RYR2: variants seen among roughly 807,000 people sequenced by gnomAD.
The protein encoded by RYR2 is ryanodine receptor 2.
A neutral mutation model predicts 601.1 loss-of-function variants in RYR2; 227 were observed. The ratio of observed to expected loss-of-function variants is 0.38; its 90% CI spans 0.34 to 0.42. The LOEUF is 0.42. RYR2 is among the 10% of genes least tolerant of loss of function. The pLI, the probability that RYR2 is intolerant of heterozygous loss-of-function variation, is 1.00. For synonymous variants in RYR2, 2,223 were observed against 2,175.1 expected, an observed-to-expected ratio of 1.02 and a Z score of -0.61; for missense variants, 4,646 against 6,156.5, an observed-to-expected ratio of 0.75 and a Z score of 8.21.
At chr1:237,386,796 A>G (rs10754601) in intron 8 of RYR2, among the ~76,000 whole-genome samples, 68,704 of 151,934 alleles carry the variant, frequency 0.45, 17,342 homozygotes, top group Admixed American at 0.65. Context: ...CTTTTGCATC[A>G]AATTGCAGAT....
chr1:237,339,560 T>C (rs1697564962), intron 3 of RYR2, among the ~76,000 whole-genome samples: 1 of 152,124 alleles, frequency 6.6e-6, no homozygotes, highest in African/African-American at 2.4e-5. Context: ...AAAAATATTA[T>C]TATATAAATG....
chr1:237,240,682 A>AAC (rs1686066580), intron 1 of RYR2, among the ~76,000 whole-genome samples: 1 of 148,756 alleles, frequency 6.7e-6, no homozygotes, highest in East Asian at 1.9e-4. Flanking sequence ...AAAAAAAAAA[A>AAC]AAAAAAACAG....
chr1:237,743,554 C>T, intron 80 of RYR2: 1 of 518,394 alleles, frequency 1.9e-6, no homozygotes, highest in Non-Finnish European at 3.9e-6. Flanking sequence ...GTCTTCAGAG[C>T]AATTGTTTAT....
intron 29 of RYR2, among the ~76,000 whole-genome samples, chr1:237,572,163 G>A (rs1344360697): frequency 6.6e-6 from 1 of 152,098 alleles, no homozygotes; most frequent in Non-Finnish European, 1.5e-5. Flanking sequence ...TTGGTTTTAG[G>A]GATGTCAAAG....
At chr1:237,524,801 C>G (rs997085679) in intron 24 of RYR2, among the ~76,000 whole-genome samples, 1 of 151,720 alleles carries the variant, frequency 6.6e-6, no homozygotes, top group Non-Finnish European at 1.5e-5. Flanking sequence ...GCAAAATTCC[C>G]TTTTGCTCAG....
chr1:237,674,543 A>G (rs926390883), intron 59 of RYR2, among the ~76,000 whole-genome samples, 188 bp from the exon 60 acceptor site: 2 of 152,074 alleles, frequency 1.3e-5, no homozygotes, highest in African/African-American at 2.4e-5. Context: ...ATCATATGCA[A>G]AATATTCTTT....
At chr1:237,601,581 G>A (rs58615439) in intron 34 of RYR2, among the ~76,000 whole-genome samples, 1 of 151,886 alleles carries the variant, frequency 6.6e-6, no homozygotes, top group South Asian at 2.1e-4. Flanking sequence ...CTAGAAGAGA[G>A]GATTTTGTAT....
At chr1:237,593,183 A>G (rs1419745589) in intron 32 of RYR2, among the ~76,000 whole-genome samples, 1 of 152,222 alleles carries the variant, frequency 6.6e-6, no homozygotes, top group African/African-American at 2.4e-5. Flanking sequence ...TAGCACACAC[A>G]TATATGCTGA....
At position 237,231,323 on chromosome 1, in the gene RYR2, TTTC is replaced by T. The variant is rs1369045057; in HGVS notation, c.49-39171_49-39169del. 4.2e-4 allele frequency among the ~76,000 whole-genome samples: 63 copies of T among 149,882 alleles called. No homozygotes were observed. In the East Asian group the frequency reaches 0.011, roughly 25 times the overall value. On this transcript the variant is annotated intron_variant, in intron 1 of 104. Coordinates refer to ENST00000366574, the MANE Select transcript of RYR2 (RefSeq NM_001035.3). ...GTGTCTTTTTTTCTTTCTTTCTTTC[TTTC>T]TTTTTTTTTTTCTGAATAGAGATAG...
At position 237,628,177 on chromosome 1, in the gene RYR2, T is replaced by G. The variant is rs1481096329; in HGVS notation, c.6440+97T>G. On this transcript the variant is annotated intron_variant, in intron 41 of 104. Transcript: ENST00000366574. ...ATTAACTACATTGATAAAAATATAT[T>G]GTCTGGATTATACGATTATTATACT... 13 of 1,324,846 alleles carry G rather than the reference T, an allele frequency of 9.8e-6. No individual in the cohort carries two copies. In the South Asian group the frequency reaches 2.0e-4, roughly 20 times the overall value. 82.1% of individuals were successfully genotyped at this position (1,324,846 alleles called of 1,614,324 possible).
intron 1 of RYR2, among the ~76,000 whole-genome samples, chr1:237,244,819 C>T (rs1686626673): frequency 1.3e-5 from 2 of 148,572 alleles, no homozygotes; most frequent in Non-Finnish European, 1.5e-5. Context: ...CAACGTACCG[C>T]TTGAATTTTA....
rs151303462 is a variant in RYR2, at chr1:237,532,669, G to GA, written c.2906+2162dup. 9.0e-3 allele frequency among the ~76,000 whole-genome samples: 1,364 copies of GA among 152,220 alleles called. 21 individuals carry two copies. Among genetic ancestry groups the GA allele is most frequent in the African/African-American group, 0.031 (1,285 of 41,530 alleles). ...TTTTACTCAGAAGAATAAGAAAGTA[G>GA]AAATGTTAATTTCACATTATCTTTG... On this transcript the variant is annotated intron_variant, in intron 25 of 104. Coordinates refer to ENST00000366574, the MANE Select transcript of RYR2 (RefSeq NM_001035.3).
intron 10 of RYR2, among the ~76,000 whole-genome samples, chr1:237,393,437 C>T (rs549016776): frequency 1.3e-5 from 2 of 152,160 alleles, no homozygotes; most frequent in African/African-American, 4.8e-5. Context: ...GAATTAAATG[C>T]CTCTCCATCT....
chr1:237,814,237 A>T (rs1292926254), intron 100 of RYR2, among the ~76,000 whole-genome samples: 1 of 152,242 alleles, frequency 6.6e-6, no homozygotes, highest in Non-Finnish European at 1.5e-5. Context: ...CCAGCCTGCC[A>T]GCAAGAAAGC....
chr1:237,054,063 G>C (rs1661629870), intron 1 of RYR2, among the ~76,000 whole-genome samples: 1 of 152,216 alleles, frequency 6.6e-6, no homozygotes, highest in Non-Finnish European at 1.5e-5. Context: ...AGGAAACTGA[G>C]TTGCAAAGAG....
Position 237,830,642 on chromosome 1 carries a change from C to T in RYR2, c.14756+12C>T, listed in dbSNP as rs2275693. The T allele has an allele frequency of 1.5e-3, 2,175 of 1,441,648 alleles. 52 individuals carry two copies. The East Asian group carries it at 0.042, about 28-fold the overall frequency. 89.3% of individuals were successfully genotyped at this position (1,441,648 alleles called of 1,614,324 possible). ...TTGGCTAATTACTTGTGAGTGTGCCCGTTTCAGAATCTTCCACCTCTCCAG... is the reference window on the plus strand; with the variant it reads ...TTGGCTAATTACTTGTGAGTGTGCCTGTTTCAGAATCTTCCACCTCTCCAG... On this transcript the variant is annotated intron_variant, in intron 103 of 104. Coordinates refer to ENST00000366574, the MANE Select transcript of RYR2 (RefSeq NM_001035.3).
At chr1:237,714,991 CAAAAAAAAAAAAAAAAAAA>C (rs5781983) in intron 71 of RYR2, among the ~76,000 whole-genome samples, 5,404 of 44,840 alleles carry the variant, frequency 0.12, 200 homozygotes, top group South Asian at 0.3. Context: ...GACTCCATCT[CAAAAAAAAAAAAAAAAAAA>C]AAAAAAAAAA....
intron 92 of RYR2, 36 bp downstream of exon 92, chr1:237,788,171 A>G: frequency 6.6e-7 from 1 of 1,515,846 alleles, no homozygotes; most frequent in East Asian, 2.3e-5. Context: ...TTACTGATAT[A>G]GTGCAATACC....
intron 1 of RYR2, among the ~76,000 whole-genome samples, chr1:237,233,558 A>T (rs1019125711): frequency 1.3e-5 from 2 of 152,108 alleles, no homozygotes; most frequent in African/African-American, 4.8e-5. Flanking sequence ...ATTCTGATGA[A>T]TGTTTACTCC....
Sources: gnomAD v4.1 joint callset for allele counts (sites outside exome capture counted in the v4.1 genomes callset) on GRCh38, gnomAD v4.1.1 for gene constraint, MANE v1.5 for transcripts, NCBI Gene and HGNC (gene_info 2026-07-23, HGNC 2026-07-21) for gene names.